Variants in KDM4C observed in about 807,000 individuals in gnomAD.
KDM4C encodes lysine-specific demethylase 4C.
KDM4C carries 81 observed loss-of-function variants against 129.3 expected under a neutral mutation model. The observed-to-expected ratio is 0.63, with a 90% CI of 0.52 to 0.75. KDM4C has a LOEUF of 0.75. KDM4C is among the 30% of genes least tolerant of loss of function. The pLI is 0.00. For synonymous variants in KDM4C, 573 were observed against 456.1 expected (o/e 1.26, Z -3.26); for missense variants, 1,457 against 1,304.0 (o/e 1.12, Z -1.81).
chr9:6,934,446 C>T (rs565003031), intron 8 of KDM4C, among the ~76,000 whole-genome samples: 1 of 150,330 alleles, frequency 6.7e-6, no homozygotes, highest in East Asian at 2.0e-4. Context: ...TGCCACCGCA[C>T]TCGAGACTGG....
intron 8 of KDM4C, among the ~76,000 whole-genome samples, chr9:6,972,348 T>C (rs1478236708): frequency 6.6e-6 from 1 of 152,094 alleles, no homozygotes; most frequent in African/African-American, 2.4e-5. Flanking sequence ...TACCTAATGG[T>C]AATGCATTTC....
At chr9:7,109,954 C>G (rs1407778614) in intron 18 of KDM4C, among the ~76,000 whole-genome samples, 1 of 152,150 alleles carries the variant, frequency 6.6e-6, no homozygotes, top group African/African-American at 2.4e-5. Context: ...TTCCCCTTCA[C>G]TCAGCACTCA....
At chr9:6,965,298 T>C (rs1175995122) in intron 8 of KDM4C, among the ~76,000 whole-genome samples, 1 of 151,442 alleles carries the variant, frequency 6.6e-6, no homozygotes, top group Non-Finnish European at 1.5e-5. Context: ...ATGATATATA[T>C]ATATATATTT....
chr9:6,929,599 G>C (rs1823290103), intron 8 of KDM4C, among the ~76,000 whole-genome samples: 1 of 151,658 alleles, frequency 6.6e-6, no homozygotes, highest in African/African-American at 2.4e-5. Context: ...CCAGTCACTG[G>C]TCTGTCCTAA....
At chr9:6,791,072 T>G (rs1826493988) in intron 1 of KDM4C, among the ~76,000 whole-genome samples, 1 of 152,204 alleles carries the variant, frequency 6.6e-6, no homozygotes, top group Non-Finnish European at 1.5e-5. Context: ...CTTATAAGAC[T>G]TAACTCTCCC....
At chr9:6,901,091 G>A (rs1205351727) in intron 8 of KDM4C, among the ~76,000 whole-genome samples, 1 of 152,134 alleles carries the variant, frequency 6.6e-6, no homozygotes, top group African/African-American at 2.4e-5. Flanking sequence ...TGCAGAAGAA[G>A]GCAAAAGTTG....
Position 6,899,691 on chromosome 9 carries a change from A to T in KDM4C, c.921+6459A>T, listed in dbSNP as rs141157340. Among the ~76,000 whole-genome samples the T allele has an allele frequency of 8.7e-3, 1,329 of 152,288 alleles. 13 individuals carry two copies. Among genetic ancestry groups the T allele is most frequent in the African/African-American group, 0.03 (1,257 of 41,550 alleles). On this transcript the variant is annotated intron_variant, in intron 8 of 21. Coordinates refer to ENST00000381309, the MANE Select transcript of KDM4C (RefSeq NM_015061.6). Reference sequence around the variant, plus strand: ...TGTCCTCTTTTTATACTGAAAAAATATTGAGTTGTGGGATTCAGGATATCT... The same window carrying T: ...TGTCCTCTTTTTATACTGAAAAAATTTTGAGTTGTGGGATTCAGGATATCT...
chr9:6,894,621 A>G (rs1846569673), intron 8 of KDM4C, among the ~76,000 whole-genome samples: 1 of 152,230 alleles, frequency 6.6e-6, no homozygotes, highest in African/African-American at 2.4e-5. Context: ...AGCCTATGAT[A>G]TTGGCCAGAA....
At chr9:6,979,339 C>A (rs10975948) in intron 8 of KDM4C, among the ~76,000 whole-genome samples, 1,927 of 152,210 alleles carry the variant, frequency 0.013, 21 homozygotes, top group East Asian at 0.023. Context: ...ACAGTTGGGA[C>A]AATTTATATT....
intron 3 of KDM4C, among the ~76,000 whole-genome samples, chr9:6,807,901 AG>A (rs1160845907): frequency 8.0e-6 from 1 of 125,332 alleles, no homozygotes; most frequent in African/African-American, 3.2e-5. Context: ...TGGGGGTGTC[AG>A]CCCCCAGCCC....
At chr9:7,048,779 C>T (rs1829761382) in intron 16 of KDM4C, among the ~76,000 whole-genome samples, 1 of 152,042 alleles carries the variant, frequency 6.6e-6, no homozygotes, top group African/African-American at 2.4e-5. Flanking sequence ...CATATTCCAG[C>T]ATCAAATGAA....
intron 19 of KDM4C, among the ~76,000 whole-genome samples, chr9:7,130,730 C>G (rs1840534605): frequency 6.6e-6 from 1 of 152,094 alleles, no homozygotes; most frequent in African/African-American, 2.4e-5. Flanking sequence ...ACGCATCTAT[C>G]TAAATGTGGG....
Position 6,985,059 on chromosome 9 carries a change from T to A in KDM4C, c.1354+655T>A, listed in dbSNP as rs114425157. On this transcript the variant is annotated intron_variant, in intron 10 of 21. Transcript: ENST00000381309. ...TCCTGTAAATCCTTCCTCATGGGAT[T>A]CCCCCCTCCGCCAGAATCCGACTCC... Among the ~76,000 whole-genome samples, 1,305 of 152,190 alleles carry A rather than the reference T, an allele frequency of 8.6e-3. 26 individuals are homozygous for A. Among genetic ancestry groups the A allele is most frequent in the African/African-American group, 0.03 (1,255 of 41,528 alleles).
At chr9:6,804,012 C>T (rs949346123) in intron 2 of KDM4C, among the ~76,000 whole-genome samples, 2 of 152,002 alleles carry the variant, frequency 1.3e-5, no homozygotes, top group South Asian at 4.1e-4. Context: ...TAGTGGAGAT[C>T]AGGTTTTACC....
chr9:7,065,991 C>G (rs1398022374), intron 17 of KDM4C, among the ~76,000 whole-genome samples: 1 of 93,354 alleles, frequency 1.1e-5, no homozygotes, highest in Non-Finnish European at 2.5e-5. Flanking sequence ...GGGGTAACAG[C>G]TTTAAAAAAA....
chr9:7,155,493 G>C (rs1843070115), intron 19 of KDM4C, among the ~76,000 whole-genome samples: 1 of 151,998 alleles, frequency 6.6e-6, no homozygotes, highest in African/African-American at 2.4e-5. Flanking sequence ...TTCTCCTAAG[G>C]CTATCCCTCC....
chr9:6,863,857 C>T (rs1841444128), intron 5 of KDM4C, among the ~76,000 whole-genome samples: 1 of 151,142 alleles, frequency 6.6e-6, no homozygotes, highest in African/African-American at 2.4e-5. Context: ...TAACAGCCAG[C>T]TCATGGGAAC....
intron 19 of KDM4C, among the ~76,000 whole-genome samples, chr9:7,153,107 C>CT (rs1424233922): frequency 6.6e-6 from 1 of 152,016 alleles, no homozygotes; most frequent in African/African-American, 2.4e-5. Flanking sequence ...ACTTTTTCTT[C>CT]TTTTTTGTTT....
intron 1 of KDM4C, among the ~76,000 whole-genome samples, chr9:6,789,067 A>G (rs1826022728): frequency 6.7e-6 from 1 of 149,796 alleles, no homozygotes; most frequent in African/African-American, 2.5e-5. Context: ...TTTTTGAAAC[A>G]GGGTCCCACT....
Sources: gnomAD v4.1 joint callset for allele counts (sites outside exome capture counted in the v4.1 genomes callset) on GRCh38, gnomAD v4.1.1 for gene constraint, MANE v1.5 for transcripts, NCBI Gene and HGNC (gene_info 2026-07-23, HGNC 2026-07-21) for gene names.